GLT8D2: variants seen among roughly 807,000 people sequenced by gnomAD.
GLT8D2 encodes glycosyltransferase 8 domain containing 2.
GLT8D2 carries 45 observed loss-of-function variants against 44.5 expected under a neutral mutation model. That is an observed-to-expected ratio of 1.01 (90% CI 0.80 to 1.30). The LOEUF is 1.30. Ranked by LOEUF, GLT8D2 falls within the 50% of genes most tolerant of loss-of-function variation. The pLI is 0.00. For missense variants in GLT8D2, 400 were observed against 430.4 expected, an observed-to-expected ratio of 0.93 and a Z score of 0.62; for synonymous variants, 156 against 157.2, an observed-to-expected ratio of 0.99 and a Z score of 0.06.
intron 1 of GLT8D2, among the ~76,000 whole-genome samples, chr12:104,062,630 C>T (rs1054979741): frequency 3.3e-5 from 5 of 152,012 alleles, no homozygotes; most frequent in Admixed American, 6.6e-5. Flanking sequence ...GGACTTGTAT[C>T]TCTTATTTAT....
chr12:104,040,279 A>G (rs1017905539), intron 1 of GLT8D2, among the ~76,000 whole-genome samples: 1 of 152,340 alleles, frequency 6.6e-6, no homozygotes, highest in East Asian at 1.9e-4. Context: ...CATGTACCCT[A>G]GAACTTAAAG....
intron 1 of GLT8D2, among the ~76,000 whole-genome samples, chr12:104,040,392 T>A (rs1880400437): frequency 6.6e-6 from 1 of 152,084 alleles, no homozygotes; most frequent in South Asian, 2.1e-4. Context: ...TAACTATACA[T>A]CTCTTTGAAA....
chr12:103,995,091 T>G (rs937974935), intron 8 of GLT8D2, among the ~76,000 whole-genome samples: 2 of 152,182 alleles, frequency 1.3e-5, no homozygotes, highest in Non-Finnish European at 2.9e-5. Flanking sequence ...CCACTTCTCT[T>G]GCCACTACTA....
intron 4 of GLT8D2, among the ~76,000 whole-genome samples, chr12:104,005,090 C>A (rs938785714): frequency 2.0e-5 from 3 of 152,114 alleles, no homozygotes; most frequent in African/African-American, 4.8e-5. Context: ...CATCTACAAC[C>A]ATCTGATCTT....
intron 1 of GLT8D2, among the ~76,000 whole-genome samples, chr12:104,022,029 GAA>G (rs1381735828): frequency 8.0e-5 from 8 of 100,204 alleles, no homozygotes; most frequent in East Asian, 3.0e-4. Flanking sequence ...AGAAAAAGAA[GAA>G]GAAGAAGAAG....
chr12:104,003,058 G>A, intron 5 of GLT8D2, 77 bp downstream of exon 5: 1 of 1,099,468 alleles, frequency 9.1e-7, no homozygotes, highest in East Asian at 2.4e-5. Context: ...AAGAAGAAGA[G>A]GTAGGGAGGG....
At position 104,003,290 on chromosome 12, in the gene GLT8D2, AG is replaced by A; in HGVS notation, c.128del (p.Thr43IlefsTer12). The A allele has an allele frequency of 6.2e-7, 1 of 1,614,000 alleles. No homozygotes were observed. The highest frequency in any genetic ancestry group is 8.5e-7 in the Non-Finnish European group (1 of 1,179,948). On this transcript the variant is annotated frameshift_variant, in exon 5 of 11. Transcript: ENST00000360814. LOFTEE classifies it high-confidence loss of function. ...GAATCTCTTCTTCCAGTTCTTCAGG[AG>A]TCTCGGATTCATCATCTGGAAACAT... ...PKNDADDESE[T>X]PEELEEEIPV...
At chr12:104,055,772 T>G (rs981599189) in intron 1 of GLT8D2, among the ~76,000 whole-genome samples, 1 of 152,242 alleles carries the variant, frequency 6.6e-6, no homozygotes, top group Non-Finnish European at 1.5e-5. Flanking sequence ...TAAGTTTGCC[T>G]GGGAGGAAAG....
intron 1 of GLT8D2, among the ~76,000 whole-genome samples, chr12:104,055,815 C>T (rs1192039496): frequency 1.3e-5 from 2 of 152,162 alleles, no homozygotes; most frequent in African/African-American, 4.8e-5. Context: ...CATGAATTAC[C>T]ACATTGGGTC....
chr12:104,045,892 TAAGAAAGAAAGA>T (rs34932758), intron 1 of GLT8D2, among the ~76,000 whole-genome samples: 2,053 of 112,118 alleles, frequency 0.018, 21 homozygotes, highest in South Asian at 0.033. Flanking sequence ...AAAAGAAAGA[TAAGAAAGAAAGA>T]AAGAAAGAAA....
intron 3 of GLT8D2, among the ~76,000 whole-genome samples, chr12:104,018,496 C>T (rs1877181287): frequency 6.6e-6 from 1 of 152,104 alleles, no homozygotes; most frequent in South Asian, 2.1e-4. Flanking sequence ...ATACTAGACT[C>T]CATTTAAAAC....
At chr12:104,009,125 C>T (rs974598851) in intron 4 of GLT8D2, among the ~76,000 whole-genome samples, 17 of 152,324 alleles carry the variant, frequency 1.1e-4, no homozygotes, top group African/African-American at 4.1e-4. Context: ...ATCCTCCAGA[C>T]CCCAGAATGG....
Position 104,007,265 on chromosome 12 carries a change from T to TCTCTCTCTCTC in GLT8D2, c.113-3960_113-3959insGAGAGAGAGAG, listed in dbSNP as rs377119502. 8.8e-5 allele frequency among the ~76,000 whole-genome samples: 12 copies of TCTCTCTCTCTC among 136,384 alleles called. No homozygotes were observed. In the South Asian group the frequency reaches 1.3e-3, roughly 14 times the overall value. 89.5% of individuals were successfully genotyped at this position (136,384 alleles called of 152,430 possible). On this transcript the variant is annotated intron_variant, in intron 4 of 10. Transcript: ENST00000360814. Reference sequence around the variant, plus strand: ...CTCTCTCTCTCTCTCTCTCTCTCTCTCCCCCCGCTCTCTCCACCTGCTCTC... The same window carrying TCTCTCTCTCTC: ...CTCTCTCTCTCTCTCTCTCTCTCTCTCTCTCTCTCTCCCCCCCGCTCTCTCCACCTGCTCTC...
In GLT8D2 at chr12:104,022,048, AAG is replaced by A. The variant is rs3037224; in HGVS notation, c.-163-559_-163-558del. 5.3e-5 allele frequency among the ~76,000 whole-genome samples: 7 copies of A among 131,344 alleles called. 2 individuals are homozygous for A. The highest frequency in any genetic ancestry group is 4.9e-4 in the South Asian group (2 of 4,116). The allele number at this position is 131,344 out of a possible 152,430, so 86.2% of individuals were successfully genotyped here. ...AAAGAAGAAGAAGAAGAAGAAGAAG[AAG>A]AAGAAGGGAAAGAAAGAAAGAAAGA... On this transcript the variant is annotated intron_variant, in intron 1 of 10. Coordinates refer to ENST00000360814, the MANE Select transcript of GLT8D2 (RefSeq NM_001384711.1).
intron 7 of GLT8D2, among the ~76,000 whole-genome samples, 183 bp from the exon 8 acceptor site, chr12:103,997,030 A>G (rs957972230): frequency 1.3e-5 from 2 of 152,228 alleles, no homozygotes; most frequent in Non-Finnish European, 2.9e-5. Context: ...CCACTGGATG[A>G]TGAGTTCAAA....
intron 1 of GLT8D2, among the ~76,000 whole-genome samples, chr12:104,058,658 G>T (rs922671903): frequency 1.3e-5 from 2 of 152,092 alleles, no homozygotes; most frequent in African/African-American, 2.4e-5. Flanking sequence ...CAACCTATTG[G>T]GTCTTAAAGC....
intron 1 of GLT8D2, among the ~76,000 whole-genome samples, chr12:104,028,028 A>T (rs1878792611): frequency 6.6e-6 from 1 of 152,210 alleles, no homozygotes; most frequent in Non-Finnish European, 1.5e-5. Context: ...GAGGAATAGT[A>T]AATGCTGATT....
At chr12:103,994,581 G>C in intron 8 of GLT8D2, 80 bp from the exon 9 acceptor site, 2 of 1,335,086 alleles carry the variant, frequency 1.5e-6, no homozygotes, top group Non-Finnish European at 2.1e-6. Flanking sequence ...TGAAACCCTT[G>C]TGCAGTATCT....
chr12:104,061,930 C>T (rs1192165861), intron 1 of GLT8D2, among the ~76,000 whole-genome samples: 7 of 144,948 alleles, frequency 4.8e-5, no homozygotes, highest in Non-Finnish European at 6.0e-5. Context: ...GAGCCAATAT[C>T]GGCGCCATTA....
Sources: gnomAD v4.1 joint callset for allele counts (sites outside exome capture counted in the v4.1 genomes callset) on GRCh38, gnomAD v4.1.1 for gene constraint, MANE v1.5 for transcripts, NCBI Gene and HGNC (gene_info 2026-07-23, HGNC 2026-07-21) for gene names.